The following PHF24 variants were observed in gnomAD, a reference collection of about 807,000 sequenced individuals.
PHF24 encodes Galpha inhibitory interacting protein.
In PHF24, 25 loss-of-function variants were observed where a neutral mutation model predicts 42.6. The observed-to-expected ratio is 0.59, with a 90% CI of 0.43 to 0.82. The LOEUF (loss-of-function observed/expected upper bound fraction) is 0.82. PHF24 is among the 40% of genes least tolerant of loss of function. The probability of loss-of-function intolerance (pLI) is 0.00; values close to 1 mark genes in which losing one functional copy is unlikely to be tolerated. For synonymous variants in PHF24, 185 were observed against 204.8 expected, an observed-to-expected ratio of 0.90 and a Z score of 0.83; for missense variants, 470 against 538.1, an observed-to-expected ratio of 0.87 and a Z score of 1.25.
At chr9:34,873,738 G>T in the PHF24 span, among the ~76,000 whole-genome samples, 2 of 150,050 alleles carry the variant, frequency 1.3e-5, no homozygotes, top group African/African-American at 2.4e-5. Context: ...CCAATTCTGT[G>T]AAGAAAGTCA....
the PHF24 span, among the ~76,000 whole-genome samples, chr9:34,736,061 T>C: frequency 6.6e-6 from 1 of 151,924 alleles, no homozygotes; most frequent in Non-Finnish European, 1.5e-5. Context: ...TCACCAGTAG[T>C]AGTTTTTTTC....
chr9:34,740,514 C>T, the PHF24 span, among the ~76,000 whole-genome samples: 2 of 152,228 alleles, frequency 1.3e-5, no homozygotes, highest in African/African-American at 2.4e-5. Context: ...CCGGCAGGGC[C>T]AGCCGGCTGC....
At chr9:34,837,647 A>T in the PHF24 span, 19 of 1,515,990 alleles carry the variant, frequency 1.3e-5, no homozygotes, top group African/African-American at 5.5e-5. Context: ...AGAGATTGGG[A>T]CTTCACCTGT....
At chr9:34,922,826 T>A in the PHF24 span, 1 of 1,592,382 alleles carries the variant, frequency 6.3e-7, no homozygotes, top group Non-Finnish European at 8.5e-7. Flanking sequence ...ATTAAGCTCC[T>A]TGCTCAGTTA....
At chr9:34,981,002 C>T (rs1403012940) in exon 8 of PHF24, 1 of 152,320 alleles carries the variant, frequency 6.6e-6, no homozygotes, top group Non-Finnish European at 1.5e-5. Flanking sequence ...AAAACCACTC[C>T]AAGTCTGCTC....
chr9:34,875,956 TC>T, the PHF24 span, among the ~76,000 whole-genome samples: 1 of 24,866 alleles, frequency 4.0e-5, no homozygotes, highest in Non-Finnish European at 1.0e-4. Context: ...ACACACTCTC[TC>T]TCTCTCTCTC....
the PHF24 span, among the ~76,000 whole-genome samples, chr9:34,919,150 G>T: frequency 6.6e-6 from 1 of 152,126 alleles, no homozygotes; most frequent in Non-Finnish European, 1.5e-5. Context: ...TGTTTACTAT[G>T]ATTAGTGAAC....
chr9:34,812,859 TC>T, the PHF24 span, among the ~76,000 whole-genome samples: 974 of 152,340 alleles, frequency 6.4e-3, 8 homozygotes, highest in Middle Eastern at 0.037. Context: ...AATTGAGACT[TC>T]CTTTTTCTGT....
chr9:34,843,915 A>G, the PHF24 span, among the ~76,000 whole-genome samples: 1 of 152,086 alleles, frequency 6.6e-6, no homozygotes, highest in Non-Finnish European at 1.5e-5. Flanking sequence ...TAGTGAAGCT[A>G]TCAGGTCCTG....
chr9:34,852,339 G>C, the PHF24 span, among the ~76,000 whole-genome samples: 1 of 152,158 alleles, frequency 6.6e-6, no homozygotes, highest in Admixed American at 6.6e-5. Flanking sequence ...AACTGCATGG[G>C]GGGGTCAGTG....
chr9:34,838,349 C>T, the PHF24 span: 1 of 800,330 alleles, frequency 1.2e-6, no homozygotes, highest in South Asian at 1.4e-5. Flanking sequence ...TGTTGCCCTA[C>T]CCAGCAGCAG....
At chr9:34,722,787 T>C in the PHF24 span, among the ~76,000 whole-genome samples, 253 of 152,336 alleles carry the variant, frequency 1.7e-3, no homozygotes, top group African/African-American at 5.8e-3. Context: ...TGTAAGGTCT[T>C]ACTATGCATT....
the PHF24 span, among the ~76,000 whole-genome samples, chr9:34,731,974 C>G: frequency 6.6e-6 from 1 of 151,988 alleles, no homozygotes; most frequent in African/African-American, 2.4e-5. Flanking sequence ...CCTCAGCCTC[C>G]CAGGTAGCTG....
chr9:34,695,156 C>A, the PHF24 span, among the ~76,000 whole-genome samples: 1 of 152,156 alleles, frequency 6.6e-6, no homozygotes, highest in Non-Finnish European at 1.5e-5. Context: ...CACCCACTCC[C>A]CACCTCTGGG....
chr9:34,754,432 A>G, the PHF24 span, among the ~76,000 whole-genome samples: 6 of 152,302 alleles, frequency 3.9e-5, no homozygotes, highest in East Asian at 3.9e-4. Flanking sequence ...GGTGCTCAAC[A>G]TAAGTGATCA....
the PHF24 span, among the ~76,000 whole-genome samples, chr9:34,774,753 A>G: frequency 6.6e-6 from 1 of 152,212 alleles, no homozygotes; most frequent in Non-Finnish European, 1.5e-5. Flanking sequence ...AGCCTAGGCG[A>G]CAAGAGTGAG....
the PHF24 span, among the ~76,000 whole-genome samples, chr9:34,909,532 C>T: frequency 6.6e-6 from 1 of 151,842 alleles, no homozygotes; most frequent in Non-Finnish European, 1.5e-5. Context: ...TACCAGGGAC[C>T]GTTTGCAATT....
chr9:34,960,185 G>C (rs796903611), intron 1 of PHF24, among the ~76,000 whole-genome samples: 3 of 152,276 alleles, frequency 2.0e-5, no homozygotes, highest in African/African-American at 7.2e-5. Flanking sequence ...AGTGGTGAGA[G>C]GGCCAAGCAA....
At chr9:34,703,294 G>A in the PHF24 span, among the ~76,000 whole-genome samples, 15 of 151,852 alleles carry the variant, frequency 9.9e-5, no homozygotes, top group African/African-American at 3.4e-4. Flanking sequence ...TCAGCCTCCC[G>A]AATAGCTGGG....
Sources: allele counts gnomAD v4.1 joint callset (sites outside exome capture counted in the v4.1 genomes callset), GRCh38; gene constraint gnomAD v4.1.1; transcripts MANE v1.5; gene names NCBI Gene and HGNC (gene_info 2026-07-23, HGNC 2026-07-21).